FKBP7: variants seen among roughly 807,000 people sequenced by gnomAD.
FKBP7 encodes FKBP prolyl isomerase 7.
FKBP7 carries 24 observed loss-of-function variants against 24.3 expected under a neutral mutation model. The observed-to-expected ratio is 0.99, with a 90% CI of 0.72 to 1.39. The LOEUF is 1.39. FKBP7 is among the 40% of genes most tolerant of loss of function. FKBP7 has a pLI of 0.00. For synonymous variants in FKBP7, 98 were observed against 92.8 expected (o/e 1.06, Z -0.32); for missense variants, 257 against 269.5 (o/e 0.95, Z 0.33).
At chr2:178,470,503 T>C (rs1438331272) in intron 2 of FKBP7, among the ~76,000 whole-genome samples, 1 of 152,190 alleles carries the variant, frequency 6.6e-6, no homozygotes. Flanking sequence ...AGAGAAGAAA[T>C]GCATGGGCAG....
At chr2:178,471,334 C>T (rs1381533058) in intron 2 of FKBP7, among the ~76,000 whole-genome samples, 2 of 151,734 alleles carry the variant, frequency 1.3e-5, no homozygotes, top group Admixed American at 6.6e-5. Flanking sequence ...CTCAGCCTCC[C>T]GAGCAGCTGG....
rs377296341 is a variant in FKBP7 at position 178,473,678 on chromosome 2, G to C, written c.373+3384C>G. 3.3e-5 allele frequency among the ~76,000 whole-genome samples: 5 copies of C among 152,330 alleles called. No individual in the cohort carries two copies. The South Asian group carries it at 1.0e-3, about 32-fold the overall frequency. ...CTCTAGTGGTAGGCAGAATGTGGAGGCATCTGAAGACACAACGCAAGACAG... is the reference window on the plus strand; with the variant it reads ...CTCTAGTGGTAGGCAGAATGTGGAGCCATCTGAAGACACAACGCAAGACAG... On this transcript the variant is annotated intron_variant, in intron 2 of 3. Transcript: ENST00000424785.
At position 178,478,524 on chromosome 2, in the gene FKBP7, C is replaced by T; in HGVS notation, c.-25G>A. The T allele has an allele frequency of 6.2e-7, 1 of 1,611,666 alleles. No individual in the cohort carries two copies. The highest frequency in any genetic ancestry group is 1.1e-5 in the South Asian group (1 of 90,920). ...TCGGCTCCAGCAGAACACTGCTCTCCCTCCCGCGTGTCACTCGCGCCCCGT... is the reference window on the plus strand; with the variant it reads ...TCGGCTCCAGCAGAACACTGCTCTCTCTCCCGCGTGTCACTCGCGCCCCGT... On this transcript the variant is annotated 5_prime_UTR_variant, in exon 1 of 4. Transcript: ENST00000424785.
intron 2 of FKBP7, among the ~76,000 whole-genome samples, chr2:178,470,904 G>A (rs562827718): frequency 3.3e-5 from 5 of 151,972 alleles, no homozygotes; most frequent in Non-Finnish European, 5.9e-5. Context: ...TTGAGACGGC[G>A]TCTCACTCTG....
At chr2:178,478,138 A>T (rs1685065394) in intron 1 of FKBP7, 141 bp downstream of exon 1, 1 of 810,574 alleles carries the variant, frequency 1.2e-6, no homozygotes, top group Admixed American at 2.8e-5. Flanking sequence ...ATATAATGTG[A>T]TTTTTTTTAA....
Position 178,477,056 on chromosome 2 carries a change from T to A in FKBP7, c.373+6A>T, listed in dbSNP as rs1319278288. ...TAAAACAAGAAATTAAAATTAAACA[T>A]CTTACCATAGCCTTCCTTTCCGTAT... On this transcript the variant is annotated splice_donor_region_variant and intron_variant, in intron 2 of 3. Coordinates refer to ENST00000424785, the MANE Select transcript of FKBP7 (RefSeq NM_181342.3). 1.3e-6 allele frequency: 2 copies of A among 1,572,224 alleles called. No individual in the cohort carries two copies. Among genetic ancestry groups the A allele is most frequent in the Non-Finnish European group, 1.7e-6 (2 of 1,163,874 alleles).
At position 178,465,597 on chromosome 2, in the gene FKBP7, A is replaced by T; in HGVS notation, c.*173T>A. The stretch of plus-strand genomic sequence containing the variant: ...GAAACACAGTCATACCATTCCTGCA[A>T]GTTAAGTTTGCAAAACAGCCTCACA... On this transcript the variant is annotated 3_prime_UTR_variant, in exon 4 of 4. Transcript: ENST00000424785. 1 of 503,476 alleles carries T rather than the reference A, an allele frequency of 2.0e-6. No individual in the cohort carries two copies. Among genetic ancestry groups the T allele is most frequent in the Non-Finnish European group, 3.3e-6 (1 of 303,964 alleles). The allele number at this position is 503,476 out of a possible 1,614,324, so 31.2% of individuals were successfully genotyped here. A position where few individuals can be genotyped will look rare whatever the true frequency, so the allele number is the denominator to read the frequency against.
In FKBP7 at chr2:178,465,000, A is replaced by T. The variant is rs1310027160; in HGVS notation, c.*770T>A. ...GCATCAATTTAAAACTATCAAGACAAAAGCTTGGGGTGGCAGACATCTTAT... is the reference window on the plus strand; with the variant it reads ...GCATCAATTTAAAACTATCAAGACATAAGCTTGGGGTGGCAGACATCTTAT... On this transcript the variant is annotated 3_prime_UTR_variant, in exon 4 of 4. Coordinates refer to ENST00000424785, the MANE Select transcript of FKBP7 (RefSeq NM_181342.3). The T allele has an allele frequency of 2.0e-5, 3 of 152,190 alleles. No homozygotes were observed. Among genetic ancestry groups the T allele is most frequent in the Non-Finnish European group, 4.4e-5 (3 of 68,030 alleles). The allele number at this position is 152,190 out of a possible 1,614,324, so 9.4% of individuals were successfully genotyped here.
intron 2 of FKBP7, among the ~76,000 whole-genome samples, chr2:178,473,429 C>T (rs1310088738): frequency 6.6e-6 from 1 of 152,170 alleles, no homozygotes. Context: ...GTTAGAGATA[C>T]CTCCAATTGA....
chr2:178,474,007 C>G (rs1298792016), intron 2 of FKBP7, among the ~76,000 whole-genome samples: 3 of 152,122 alleles, frequency 2.0e-5, no homozygotes, highest in Non-Finnish European at 4.4e-5. Flanking sequence ...GGGTCTGACT[C>G]AAAGCACTGA....
chr2:178,470,688 C>T (rs937114271), intron 2 of FKBP7, among the ~76,000 whole-genome samples: 31 of 151,644 alleles, frequency 2.0e-4, no homozygotes, highest in Non-Finnish European at 2.6e-4. Flanking sequence ...GTGGCTCACA[C>T]GTGTAATTCT....
intron 2 of FKBP7, among the ~76,000 whole-genome samples, chr2:178,472,447 A>G (rs1684872642): frequency 6.6e-6 from 1 of 151,732 alleles, no homozygotes; most frequent in South Asian, 2.1e-4. Context: ...CTATAAACAT[A>G]GAAAATATTG....
chr2:178,473,477 C>T (rs1684914789), intron 2 of FKBP7, among the ~76,000 whole-genome samples: 1 of 152,222 alleles, frequency 6.6e-6, no homozygotes. Context: ...TATATCTCTG[C>T]AGCAAGTTTC....
intron 1 of FKBP7, 122 bp from the exon 2 acceptor site, chr2:178,477,335 A>C (rs1685039823): frequency 2.1e-6 from 2 of 951,462 alleles, no homozygotes; most frequent in Non-Finnish European, 3.1e-6. Context: ...TCTTTCTAAA[A>C]CCCTTAATGG....
rs942158633 is a variant in FKBP7, at chr2:178,464,197, G to C, written c.*1573C>G. The C allele has an allele frequency of 1.3e-5, 2 of 152,146 alleles. No individual in the cohort carries two copies. Among genetic ancestry groups the C allele is most frequent in the Admixed American group, 6.5e-5 (1 of 15,280 alleles). 9.4% of individuals were successfully genotyped at this position (152,146 alleles called of 1,614,324 possible). On this transcript the variant is annotated 3_prime_UTR_variant, in exon 4 of 4. Transcript: ENST00000424785. ...TTTTTGATAGTGTAAAGAAGTTAAA[G>C]GATGAACAATGGTTTGGAAAGAGCA...
At position 178,465,202 on chromosome 2, in the gene FKBP7, AG is replaced by A. The variant is rs1236954247; in HGVS notation, c.*567del. 4 of 152,200 alleles carry A rather than the reference AG, an allele frequency of 2.6e-5. No homozygotes were observed. Among genetic ancestry groups the A allele is most frequent in the Admixed American group, 2.0e-4 (3 of 15,284 alleles). 9.4% of individuals were successfully genotyped at this position (152,200 alleles called of 1,614,324 possible). ...CCAAGGCTAGAAGCTTACACCAAAAAGTTTAGAGACTGTGTTGCGTTCTTTG... is the reference window on the plus strand; with the variant it reads ...CCAAGGCTAGAAGCTTACACCAAAAATTTAGAGACTGTGTTGCGTTCTTTG... On this transcript the variant is annotated 3_prime_UTR_variant, in exon 4 of 4. Transcript: ENST00000424785.
At chr2:178,472,011 G>T (rs997446074) in intron 2 of FKBP7, among the ~76,000 whole-genome samples, 1 of 151,484 alleles carries the variant, frequency 6.6e-6, no homozygotes, top group African/African-American at 2.4e-5. Flanking sequence ...CCTTATGACA[G>T]AATTATTGTC....
chr2:178,469,818 GT>G, intron 2 of FKBP7, 33 bp from the exon 3 acceptor site: 1 of 1,582,652 alleles, frequency 6.3e-7, no homozygotes, highest in Non-Finnish European at 8.6e-7. Flanking sequence ...TTTAACTTAT[GT>G]AAAGATATAG....
chr2:178,465,875 T>A lies in FKBP7; in HGVS notation c.564A>T (p.Ser188=), dbSNP rs767299112. ...FEKDEKPRDK[S]YQDAVLEDIF... is the part of the protein sequence containing the mutation. ...TATCTTCTAAAACTGCATCCTGATA[T>A]GACTTGTCACGTGGCTTCTCATCTT... Residue 188 remains serine (S), a synonymous_variant, in exon 4 of 4, where the codon TCA becomes TCT. Transcript: ENST00000424785. The A allele has an allele frequency of 9.3e-6, 15 of 1,610,904 alleles. No homozygotes were observed. The highest frequency in any genetic ancestry group is 1.7e-5 in the Admixed American group (1 of 59,414).
Sources: allele counts gnomAD v4.1 joint callset (sites outside exome capture counted in the v4.1 genomes callset), GRCh38; gene constraint gnomAD v4.1.1; transcripts MANE v1.5; gene names NCBI Gene and HGNC (gene_info 2026-07-23, HGNC 2026-07-21).